USP42: variants seen among roughly 807,000 people sequenced by gnomAD.
The protein encoded by USP42 is ubiquitin specific peptidase 42.
A neutral mutation model predicts 113.0 loss-of-function variants in USP42; 23 were observed. The observed-to-expected ratio is 0.20, with a 90% CI of 0.15 to 0.29. The LOEUF is 0.29. USP42 is among the 10% of genes least tolerant of loss of function. The pLI is 1.00. For synonymous variants in USP42, 933 were observed against 699.0 expected (o/e 1.33, Z -5.28); for missense variants, 2,174 against 1,779.8 (o/e 1.22, Z -3.99).
intron 1 of USP42, among the ~76,000 whole-genome samples, chr7:6,108,540 G>A (rs1424370447): frequency 6.6e-6 from 1 of 152,126 alleles, no homozygotes; most frequent in Non-Finnish European, 1.5e-5. Flanking sequence ...GAGTGCAGTG[G>A]CGCGATCTCA....
Position 6,145,527 on chromosome 7 carries a change from C to T in USP42, c.1002C>T (p.Tyr334=), listed in dbSNP as rs1781670397. ...CCATTTCCTTCTAGGATGTGAAATACCCTGAGTATCTTGATATTCGGCCAT... is the reference window on the plus strand; with the variant it reads ...CCATTTCCTTCTAGGATGTGAAATATCCTGAGTATCTTGATATTCGGCCAT... ...TGGKIAKDVK[Y]PEYLDIRPYM... is the part of the protein sequence containing the mutation. The change falls in exon 10 of 18, where the codon TAC becomes TAT. Residue 334 remains tyrosine, a synonymous_variant. Transcript: ENST00000306177. 4 of 1,613,794 alleles carry T rather than the reference C, an allele frequency of 2.5e-6. No homozygotes were observed. The African/African-American group carries it at 4.0e-5, about 16-fold the overall frequency.
Position 6,150,044 on chromosome 7 carries a change from C to T in USP42, c.1848C>T (p.Asp616=), listed in dbSNP as rs765290980. Residue 616 remains aspartate, a synonymous_variant, in exon 13 of 18, where the codon GAC becomes GAT. Coordinates refer to ENST00000306177, the MANE Select transcript of USP42 (RefSeq NM_032172.3). ...PYGAESSEDS[D]EESKGLGKEN... is the part of the protein sequence containing the mutation. The stretch of plus-strand genomic sequence containing the variant: ...GCGCCGAGTCCTCTGAGGACTCTGA[C>T]GAGGAGTCAAAGGGGCTGGGCAAGG... 16 of 1,610,482 alleles carry T rather than the reference C, an allele frequency of 9.9e-6. No homozygotes were observed. Among genetic ancestry groups the T allele is most frequent in the East Asian group, 2.2e-5 (1 of 44,788 alleles).
At chr7:6,090,607 C>T in the USP42 span, among the ~76,000 whole-genome samples, 6 of 146,394 alleles carry the variant, frequency 4.1e-5, no homozygotes, top group Non-Finnish European at 8.9e-5. Flanking sequence ...CCCAGCTACT[C>T]AGGAGACTGA....
the USP42 span, among the ~76,000 whole-genome samples, chr7:6,082,420 G>A: frequency 6.6e-6 from 1 of 151,170 alleles, no homozygotes; most frequent in Admixed American, 6.6e-5. Flanking sequence ...GAGCCACCGC[G>A]CCCGGCCCGG....
At chr7:6,097,823 C>T in the USP42 span, among the ~76,000 whole-genome samples, 3 of 150,216 alleles carry the variant, frequency 2.0e-5, no homozygotes, top group Admixed American at 2.0e-4. Context: ...ATCTCCTGAC[C>T]TCGTGATCCG....
At position 6,111,148 on chromosome 7, in the gene USP42, C is replaced by T; in HGVS notation, c.15C>T (p.Asp5=). The T allele has an allele frequency of 2.5e-6, 4 of 1,612,222 alleles. No individual in the cohort carries two copies. The highest frequency in any genetic ancestry group is 3.4e-6 in the Non-Finnish European group (4 of 1,178,682). The stretch of plus-strand genomic sequence containing the variant: ...AGAGTTGAACAATGACCATAGTTGA[C>T]AAAGCTTCTGAATCTTCAGACCCAT... MTIV[D]KASESSDPSA... is the part of the protein sequence containing the mutation. The change falls in exon 2 of 18, where the codon GAC becomes GAT. Residue 5 remains aspartate, a synonymous_variant. Coordinates refer to ENST00000306177, the MANE Select transcript of USP42 (RefSeq NM_032172.3).
chr7:6,147,687 C>G, intron 11 of USP42, 52 bp from the exon 12 acceptor site: 2 of 1,515,872 alleles, frequency 1.3e-6, no homozygotes, highest in Non-Finnish European at 1.8e-6. Flanking sequence ...AAATGAATCT[C>G]TCCTAAGGAG....
chr7:6,153,689 G>C lies in USP42; in HGVS notation c.2202-67G>C, dbSNP rs945330780. The C allele has an allele frequency of 5.7e-6, 8 of 1,403,288 alleles. No individual in the cohort carries two copies. The African/African-American group carries it at 1.2e-4, about 21-fold the overall frequency. The allele number at this position is 1,403,288 out of a possible 1,614,324, so 86.9% of individuals were successfully genotyped here. A position where few individuals can be genotyped will look rare whatever the true frequency, so the allele number is the denominator to read the frequency against. On this transcript the variant is annotated intron_variant, in intron 14 of 17. Transcript: ENST00000306177. ...TGAACGTTTTGAAGTATTTGTCCTT[G>C]TAATGCAATGACATGAGCCTGTCAA... is the stretch of plus-strand genomic sequence containing the variant.
At chr7:6,088,626 G>A in the USP42 span, among the ~76,000 whole-genome samples, 2 of 151,168 alleles carry the variant, frequency 1.3e-5, no homozygotes, top group African/African-American at 4.9e-5. Flanking sequence ...TGCCAACCCC[G>A]ATTGACGTCA....
intron 14 of USP42, among the ~76,000 whole-genome samples, chr7:6,152,614 C>G (rs936238393): frequency 1.3e-5 from 2 of 152,188 alleles, no homozygotes; most frequent in Admixed American, 1.3e-4. Context: ...AAGGATAGGC[C>G]AGCTTGGACA....
the USP42 span, among the ~76,000 whole-genome samples, chr7:6,093,730 T>C: frequency 6.7e-6 from 1 of 150,280 alleles, no homozygotes; most frequent in Admixed American, 6.6e-5. Flanking sequence ...TGGTAAAATA[T>C]GGTAGGTACT....
rs1331991928 is a variant in USP42, at chr7:6,149,952, G to A, written c.1756G>A (p.Glu586Lys). The A allele has an allele frequency of 1.2e-6, 2 of 1,613,982 alleles. No individual in the cohort carries two copies. Among genetic ancestry groups the A allele is most frequent in the Admixed American group, 3.3e-5 (2 of 60,014 alleles). ...SKVTKPIPRS[E>K]SCSQPVMNGK... Reference sequence around the variant, plus strand: ...AGTAACAAAACCGATCCCCCGCAGTGAATCCTGCTCCCAGCCCGTGATGAA... The same window carrying A: ...AGTAACAAAACCGATCCCCCGCAGTAAATCCTGCTCCCAGCCCGTGATGAA... Residue 586 changes from glutamate (E) to lysine (K), a missense_variant, in exon 13 of 18, where the codon GAA becomes AAA. By Grantham distance (56) the Glu-to-Lys change is moderately conservative (BLOSUM62 1). Transcript: ENST00000306177.
At chr7:6,099,303 C>T in the USP42 span, among the ~76,000 whole-genome samples, 1 of 146,310 alleles carries the variant, frequency 6.8e-6, no homozygotes, top group Admixed American at 6.8e-5. Flanking sequence ...CAACCTAGGC[C>T]TCCCAGGTTC....
chr7:6,118,944 G>T (rs753569905), intron 3 of USP42, among the ~76,000 whole-genome samples: 1 of 151,914 alleles, frequency 6.6e-6, no homozygotes, highest in Non-Finnish European at 1.5e-5. Flanking sequence ...GCCAACTGCA[G>T]TGGCTCATGT....
At chr7:6,082,999 C>A in the USP42 span, among the ~76,000 whole-genome samples, 1 of 148,858 alleles carries the variant, frequency 6.7e-6, no homozygotes, top group Non-Finnish European at 1.5e-5. Flanking sequence ...TCTCGGCTCA[C>A]TGCAACCTCT....
intron 4 of USP42, among the ~76,000 whole-genome samples, chr7:6,138,536 C>G (rs542414644): frequency 6.6e-6 from 1 of 152,186 alleles, no homozygotes; most frequent in Non-Finnish European, 1.5e-5. Context: ...TGTAGCTACT[C>G]TCTAGACTCT....
At chr7:6,081,350 G>A in the USP42 span, 2 of 188 alleles carry the variant, frequency 0.011, no homozygotes, top group African/African-American at 0.083. Context: ...ATCATACCGG[G>A]GGCCGGGCCG....
chr7:6,085,327 A>T, the USP42 span: 1 of 149,308 alleles, frequency 6.7e-6, no homozygotes, highest in African/African-American at 2.5e-5. Context: ...GGGTTTCACC[A>T]CTTTGGCCAC....
rs1485029742 is a variant in USP42, at chr7:6,153,280, A to C, written c.2202-476A>C. Among the ~76,000 whole-genome samples, 5 of 149,146 alleles carry C rather than the reference A, an allele frequency of 3.4e-5. No homozygotes were observed. In the East Asian group the frequency reaches 1.0e-3, roughly 30 times the overall value. On this transcript the variant is annotated intron_variant, in intron 14 of 17. Transcript: ENST00000306177. ...AGAGTGGGACTCTGTCCTTCAAAAA[A>C]ACAAAACAAAATGAAACAAAACAAA...
Sources: gnomAD v4.1 joint callset for allele counts (sites outside exome capture counted in the v4.1 genomes callset) on GRCh38, gnomAD v4.1.1 for gene constraint, MANE v1.5 for transcripts, NCBI Gene and HGNC (gene_info 2026-07-23, HGNC 2026-07-21) for gene names.